Variants in GALNT17 observed in about 807,000 individuals in gnomAD.
GALNT17 encodes polypeptide N-acetylgalactosaminyltransferase 17.
In GALNT17, 29 loss-of-function variants were observed where a neutral mutation model predicts 63.7. That is an observed-to-expected ratio of 0.46 (90% CI 0.34 to 0.62). GALNT17 has a LOEUF of 0.62. Among genes scored for constraint, GALNT17 ranks in the 20% least tolerant of loss-of-function variants. The pLI is 0.01. For missense variants in GALNT17, 603 were observed against 799.6 expected, an observed-to-expected ratio of 0.75 and a Z score of 2.97; for synonymous variants, 305 against 318.3, an observed-to-expected ratio of 0.96 and a Z score of 0.45.
chr7:71,628,285 A>G (rs537319015), intron 6 of GALNT17, among the ~76,000 whole-genome samples: 1 of 152,280 alleles, frequency 6.6e-6, no homozygotes, highest in Admixed American at 6.5e-5. Flanking sequence ...TTCAACCGAC[A>G]TAAATTTGCT....
intron 5 of GALNT17, among the ~76,000 whole-genome samples, chr7:71,495,209 G>C (rs1413074771): frequency 1.3e-5 from 2 of 152,126 alleles, no homozygotes; most frequent in Non-Finnish European, 2.9e-5. Context: ...CCAGGAGGCA[G>C]AGGCTGCAGT....
At chr7:71,256,995 C>A (rs1790301658) in intron 1 of GALNT17, among the ~76,000 whole-genome samples, 2 of 152,172 alleles carry the variant, frequency 1.3e-5, no homozygotes, top group South Asian at 4.1e-4. Flanking sequence ...ACTCCTACCC[C>A]CTGCAGAAAT....
At chr7:71,306,607 A>G (rs1791303107) in intron 1 of GALNT17, among the ~76,000 whole-genome samples, 1 of 152,184 alleles carries the variant, frequency 6.6e-6, no homozygotes, top group Non-Finnish European at 1.5e-5. Context: ...TTGTATGTTT[A>G]CATCTTAGGC....
At chr7:71,653,862 A>G (rs1344120114) in intron 6 of GALNT17, among the ~76,000 whole-genome samples, 1 of 151,982 alleles carries the variant, frequency 6.6e-6, no homozygotes, top group Non-Finnish European at 1.5e-5. Flanking sequence ...CCTCCTCCAG[A>G]CCCCTTGGGA....
At chr7:71,494,952 A>T (rs989772678) in intron 5 of GALNT17, among the ~76,000 whole-genome samples, 1 of 152,142 alleles carries the variant, frequency 6.6e-6, no homozygotes, top group Non-Finnish European at 1.5e-5. Context: ...CCATGATTCA[A>T]TTGTCTCCAC....
intron 5 of GALNT17, among the ~76,000 whole-genome samples, chr7:71,502,291 G>T (rs908943436): frequency 6.6e-6 from 1 of 152,064 alleles, no homozygotes; most frequent in Non-Finnish European, 1.5e-5. Flanking sequence ...TCACAGTCTT[G>T]TTACGTGTGA....
intron 3 of GALNT17, among the ~76,000 whole-genome samples, chr7:71,403,436 G>A (rs1793273436): frequency 6.6e-6 from 1 of 152,196 alleles, no homozygotes; most frequent in Admixed American, 6.5e-5. Context: ...GTGCTACAGT[G>A]CCATTCCAGT....
chr7:71,372,963 C>T (rs868858471), intron 2 of GALNT17, among the ~76,000 whole-genome samples: 6 of 152,176 alleles, frequency 3.9e-5, no homozygotes, highest in South Asian at 2.1e-4. Context: ...AGGAGTGATC[C>T]GCATGTCGAG....
intron 6 of GALNT17, among the ~76,000 whole-genome samples, chr7:71,579,914 A>C (rs1327273434): frequency 1.3e-5 from 2 of 152,098 alleles, no homozygotes; most frequent in East Asian, 1.9e-4. Context: ...CATAGATTAG[A>C]GAGAGAAAGA....
At chr7:71,259,452 A>C (rs2115612002) in intron 1 of GALNT17, among the ~76,000 whole-genome samples, 1 of 152,292 alleles carries the variant, frequency 6.6e-6, no homozygotes, top group Non-Finnish European at 1.5e-5. Context: ...TGATAGAGTT[A>C]GCAGGGGCAG....
intron 5 of GALNT17, among the ~76,000 whole-genome samples, chr7:71,530,767 A>T (rs891332323): frequency 1.3e-5 from 2 of 151,896 alleles, no homozygotes; most frequent in Non-Finnish European, 2.9e-5. Context: ...ACGGGGTTTC[A>T]CTGTGTTAGC....
chr7:71,263,787 G>C (rs1583810766), intron 1 of GALNT17, among the ~76,000 whole-genome samples: 1 of 152,094 alleles, frequency 6.6e-6, no homozygotes, highest in Non-Finnish European at 1.5e-5. Flanking sequence ...TAGCCGGCGT[G>C]GTGGCAGGCG....
intron 1 of GALNT17, among the ~76,000 whole-genome samples, chr7:71,256,261 C>T (rs1382851399): frequency 6.6e-6 from 1 of 152,212 alleles, no homozygotes; most frequent in Non-Finnish European, 1.5e-5. Context: ...TGCCTGTTGT[C>T]TCCCTACAAT....
intron 2 of GALNT17, among the ~76,000 whole-genome samples, chr7:71,370,038 G>A (rs904600965): frequency 3.9e-5 from 6 of 152,132 alleles, no homozygotes; most frequent in Admixed American, 3.3e-4. Flanking sequence ...CTTTACAAGT[G>A]GGTATTAGTG....
intron 1 of GALNT17, among the ~76,000 whole-genome samples, chr7:71,266,459 G>A (rs1296621059): frequency 3.3e-5 from 5 of 152,086 alleles, no homozygotes; most frequent in African/African-American, 4.8e-5. Context: ...ATGGTAAGGC[G>A]TGCTTACTTC....
chr7:71,511,270 A>G (rs1347535158), intron 5 of GALNT17, among the ~76,000 whole-genome samples: 1 of 152,118 alleles, frequency 6.6e-6, no homozygotes, highest in Non-Finnish European at 1.5e-5. Context: ...GGAAGTGGGA[A>G]TGGGCTTGGA....
At chr7:71,701,103 T>C (rs771590661) in intron 9 of GALNT17, among the ~76,000 whole-genome samples, 1 of 152,116 alleles carries the variant, frequency 6.6e-6, no homozygotes, top group Non-Finnish European at 1.5e-5. Flanking sequence ...ATGATAGGTG[T>C]TTGCAGAGAA....
chr7:71,251,706 G>A (rs757982154), intron 1 of GALNT17, among the ~76,000 whole-genome samples: 7 of 152,138 alleles, frequency 4.6e-5, no homozygotes, highest in African/African-American at 7.2e-5. Context: ...AACTGACCTC[G>A]ATATTCTTCT....
chr7:71,712,157 C>CTGGGGCACTGG lies in GALNT17; in HGVS notation c.*12_*22dup. 1 of 1,609,080 alleles carries CTGGGGCACTGG rather than the reference C, an allele frequency of 6.2e-7. No homozygotes were observed. The highest frequency in any genetic ancestry group is 8.5e-7 in the Non-Finnish European group (1 of 1,177,140). On this transcript the variant is annotated 3_prime_UTR_variant, in exon 11 of 11. Transcript: ENST00000333538. The stretch of plus-strand genomic sequence containing the variant: ...AACTCCATCAAGTAGAGGGAGGGAG[C>CTGGGGCACTGG]TGGGGCACTGGAGCCTGGCCCCCAG...
Sources: gnomAD v4.1 joint callset for allele counts (sites outside exome capture counted in the v4.1 genomes callset) on GRCh38, gnomAD v4.1.1 for gene constraint, MANE v1.5 for transcripts, NCBI Gene and HGNC (gene_info 2026-07-23, HGNC 2026-07-21) for gene names.